The following SLCO1A2 variants were observed in gnomAD, a reference collection of about 807,000 sequenced individuals.
The protein encoded by SLCO1A2 is solute carrier organic anion transporter family member 1A2.
Under a neutral mutation model 69.0 loss-of-function variants are expected in SLCO1A2, and 67 were observed. The observed-to-expected ratio is 0.97, with a 90% confidence interval of 0.80 to 1.19. The LOEUF is 1.19. Ranked by LOEUF, SLCO1A2 falls within the 50% of genes most tolerant of loss-of-function variation. The pLI is 0.00. For synonymous variants in SLCO1A2, 260 were observed against 265.9 expected (o/e 0.98, Z 0.22); for missense variants, 787 against 793.7 (o/e 0.99, Z 0.10).
At chr12:21,378,678 G>A in intron 1 of SLCO1A2, 1 of 411,150 alleles carries the variant, frequency 2.4e-6, no homozygotes, top group Non-Finnish European at 4.4e-6. Context: ...GTCATTTTGG[G>A]ACCTATATCT....
intron 1 of SLCO1A2, among the ~76,000 whole-genome samples, chr12:21,404,545 G>C (rs1201585602): frequency 6.6e-6 from 1 of 152,126 alleles, no homozygotes; most frequent in African/African-American, 2.4e-5. Flanking sequence ...CTCCATCCAT[G>C]TCCCTGCAAA....
intron 1 of SLCO1A2, among the ~76,000 whole-genome samples, chr12:21,417,190 T>G (rs190613141): frequency 1.3e-5 from 2 of 151,956 alleles, no homozygotes; most frequent in African/African-American, 4.8e-5. Context: ...AGCAAGGCAA[T>G]TTTAATTACA....
intron 2 of SLCO1A2, among the ~76,000 whole-genome samples, chr12:21,357,812 C>G (rs1041859990): frequency 6.6e-6 from 1 of 152,094 alleles, no homozygotes; most frequent in African/African-American, 2.4e-5. Flanking sequence ...TTAAAAAATG[C>G]ATTTTCTTTT....
chr12:21,285,183 C>A (rs576303580), intron 12 of SLCO1A2, among the ~76,000 whole-genome samples: 1 of 150,150 alleles, frequency 6.7e-6, no homozygotes, highest in Non-Finnish European at 1.5e-5. Context: ...ATATCACCAC[C>A]GATCCCACAG....
At chr12:21,358,002 G>A (rs992173659) in intron 2 of SLCO1A2, among the ~76,000 whole-genome samples, 2 of 152,122 alleles carry the variant, frequency 1.3e-5, no homozygotes, top group African/African-American at 2.4e-5. Flanking sequence ...GTGGGTGGGT[G>A]GCGTGAGGTG....
intron 1 of SLCO1A2, among the ~76,000 whole-genome samples, chr12:21,410,277 TAAAG>T (rs1469854509): frequency 6.6e-6 from 1 of 152,118 alleles, no homozygotes; most frequent in Non-Finnish European, 1.5e-5. Flanking sequence ...TGCATATTCC[TAAAG>T]AGAGAGAGAG....
chr12:21,416,556 A>G (rs1021134760), intron 1 of SLCO1A2, among the ~76,000 whole-genome samples: 1 of 152,014 alleles, frequency 6.6e-6, no homozygotes, highest in Non-Finnish European at 1.5e-5. Flanking sequence ...TGACCTGCTC[A>G]TGCTCACTGA....
intron 1 of SLCO1A2, among the ~76,000 whole-genome samples, chr12:21,383,243 T>G (rs1281702640): frequency 2.6e-5 from 4 of 152,206 alleles, no homozygotes; most frequent in Non-Finnish European, 2.9e-5. Flanking sequence ...CATCTTTTTT[T>G]TCTTCCAAAA....
Position 21,367,546 on chromosome 12 carries a change from A to T in SLCO1A2, c.-63+6853T>A, listed in dbSNP as rs1375622957. Among the ~76,000 whole-genome samples the T allele has an allele frequency of 2.0e-5, 3 of 152,126 alleles. No homozygotes were observed. The East Asian group carries it at 5.8e-4, about 29-fold the overall frequency. On this transcript the variant is annotated intron_variant, in intron 2 of 15. Coordinates refer to the SLCO1A2 transcript ENST00000307378. ...ATGAAGAGTGGTCATATCATATTTT[A>T]TCATTCTCTGAGACAATTTGCAAGC...
At chr12:21,410,596 A>G (rs1433887407) in intron 1 of SLCO1A2, among the ~76,000 whole-genome samples, 1 of 152,174 alleles carries the variant, frequency 6.6e-6, no homozygotes, top group Non-Finnish European at 1.5e-5. Context: ...ATGTAAGTGC[A>G]AAAGTTTCTT....
chr12:21,357,632 T>C (rs1938479146), intron 2 of SLCO1A2, among the ~76,000 whole-genome samples: 1 of 152,232 alleles, frequency 6.6e-6, no homozygotes, highest in South Asian at 2.1e-4. Context: ...TATTATTGAA[T>C]GAATAATTCA....
chr12:21,418,600 C>G (rs1942026349), upstream of SLCO1A2, among the ~76,000 whole-genome samples: 1 of 152,088 alleles, frequency 6.6e-6, no homozygotes, highest in Non-Finnish European at 1.5e-5. Context: ...CCTTATAAAA[C>G]CATCAGATCT....
intron 1 of SLCO1A2, among the ~76,000 whole-genome samples, chr12:21,394,276 G>C (rs768999786): frequency 3.3e-5 from 5 of 152,076 alleles, no homozygotes; most frequent in African/African-American, 9.7e-5. Context: ...AGTGGGCTGT[G>C]ATCCCAGCAC....
chr12:21,316,476 C>T (rs1210976417), intron 3 of SLCO1A2, among the ~76,000 whole-genome samples: 1 of 151,976 alleles, frequency 6.6e-6, no homozygotes, highest in Non-Finnish European at 1.5e-5. Flanking sequence ...CAGTTATCTC[C>T]ATATTATGAA....
At chr12:21,314,392 G>A (rs1950605298) in intron 4 of SLCO1A2, among the ~76,000 whole-genome samples, 157 bp downstream of exon 4, 1 of 152,174 alleles carries the variant, frequency 6.6e-6, no homozygotes. Context: ...AGGCAGCCAA[G>A]AGCACCAAAT....
At chr12:21,294,455 C>T (rs1217515725) in intron 10 of SLCO1A2, 1 of 162,290 alleles carries the variant, frequency 6.2e-6, no homozygotes, top group Non-Finnish European at 1.3e-5. Flanking sequence ...TAGCAAATAG[C>T]AAGACAGGAC....
intron 12 of SLCO1A2, 104 bp downstream of exon 12, chr12:21,292,060 A>G: frequency 1.4e-6 from 1 of 728,724 alleles, no homozygotes; most frequent in Admixed American, 3.0e-5. Flanking sequence ...ATGGTACGTT[A>G]GAGCACTGAG....
rs553749477 is a variant in SLCO1A2, at chr12:21,319,956, A to G, written c.61-1033T>C. Among the ~76,000 whole-genome samples, 12 of 152,354 alleles carry G rather than the reference A, an allele frequency of 7.9e-5. No individual in the cohort carries two copies. In the East Asian group the frequency reaches 1.4e-3, roughly 17 times the overall value. ...AACAGGAGCACTGTATACTGGTAAT[A>G]GTATAGTTAGGTAGATTAATTACTG... On this transcript the variant is annotated intron_variant, in intron 2 of 14. Transcript: ENST00000683939.
intron 11 of SLCO1A2, 31 bp downstream of exon 11, chr12:21,293,914 C>A: frequency 6.4e-7 from 1 of 1,572,106 alleles, no homozygotes; most frequent in South Asian, 1.2e-5. Flanking sequence ...CAATGCAACT[C>A]AAAAAAGTTC....
Sources: gnomAD v4.1 joint callset for allele counts (sites outside exome capture counted in the v4.1 genomes callset) on GRCh38, gnomAD v4.1.1 for gene constraint, MANE v1.5 for transcripts, NCBI Gene and HGNC (gene_info 2026-07-23, HGNC 2026-07-21) for gene names.